The following KCNT1 variants were observed in gnomAD, a reference collection of about 807,000 sequenced individuals.
KCNT1 encodes potassium sodium-activated channel subfamily T member 1.
Under a neutral mutation model 147.8 loss-of-function variants are expected in KCNT1, and 78 were observed. The ratio of observed to expected loss-of-function variants is 0.53; its 90% CI spans 0.44 to 0.64. KCNT1 has a LOEUF of 0.64. Among genes scored for constraint, KCNT1 ranks in the 30% least tolerant of loss-of-function variants. The pLI is 0.00. For synonymous variants in KCNT1, 867 were observed against 748.8 expected (o/e 1.16, Z -2.58); for missense variants, 1,419 against 1,750.3 (o/e 0.81, Z 3.38).
chr9:135,727,269 CTCTT>C, intron 2 of KCNT1, among the ~76,000 whole-genome samples: 1 of 121,334 alleles, frequency 8.2e-6, no homozygotes. Context: ...CTTTCTCCCT[CTCTT>C]TCCCATTCTC....
chr9:135,772,645 G>A (rs1832834058), intron 18 of KCNT1, 70 bp from the exon 19 acceptor site: 2 of 1,189,836 alleles, frequency 1.7e-6, no homozygotes, highest in Non-Finnish European at 2.2e-6. Context: ...GTGTTCACCT[G>A]AGCTCTGGGA....
At chr9:135,732,141 C>T (rs910827720) in intron 2 of KCNT1, among the ~76,000 whole-genome samples, 1 of 151,256 alleles carries the variant, frequency 6.6e-6, no homozygotes. Flanking sequence ...GCCTCAGCCT[C>T]CCCAGTAGCT....
At position 135,756,920 on chromosome 9, in the gene KCNT1, C is replaced by T. The variant is rs2131434951; in HGVS notation, c.588C>T (p.Tyr196=). 1.2e-6 allele frequency: 2 copies of T among 1,613,052 alleles called. No individual in the cohort carries two copies. Among genetic ancestry groups the T allele is most frequent in the Middle Eastern group, 1.6e-4 (1 of 6,062 alleles). ...ISFLETMLLI[Y]LSYKGNIWEQ... ...TCCTGGAGACGATGCTTCTCATCTA[C>T]CTCAGCTACAAAGTGAGTGCCTGCC... The change falls in exon 7 of 31, where the codon TAC becomes TAT. Residue 196 remains tyrosine (Y), a synonymous_variant. Transcript: ENST00000371757.
intron 1 of KCNT1, among the ~76,000 whole-genome samples, chr9:135,705,828 C>A (rs1349629063): frequency 6.7e-6 from 1 of 150,208 alleles, no homozygotes; most frequent in Non-Finnish European, 1.5e-5. Flanking sequence ...GCAGAGGCCG[C>A]GAGCTTCCTG....
At chr9:135,774,794 G>C (rs1425392350) in intron 19 of KCNT1, among the ~76,000 whole-genome samples, 2 of 152,128 alleles carry the variant, frequency 1.3e-5, no homozygotes, top group Non-Finnish European at 2.9e-5. Flanking sequence ...TATGCCGAGG[G>C]CTGACCATGG....
At chr9:135,779,246 CA>C in intron 23 of KCNT1, 112 bp from the exon 24 acceptor site, 4 of 670,670 alleles carry the variant, frequency 6.0e-6, no homozygotes, top group South Asian at 1.6e-5. Context: ...GAGACCCCCC[CA>C]CAGCCATGGG....
intron 24 of KCNT1, among the ~76,000 whole-genome samples, chr9:135,780,788 T>C (rs1312727928): frequency 6.6e-6 from 1 of 152,204 alleles, no homozygotes; most frequent in Non-Finnish European, 1.5e-5. Flanking sequence ...GGGAGGAAGT[T>C]CACAGGATTC....
intron 2 of KCNT1, among the ~76,000 whole-genome samples, chr9:135,749,847 C>G (rs1831048409): frequency 1.3e-5 from 2 of 152,070 alleles, no homozygotes; most frequent in East Asian, 1.9e-4. Flanking sequence ...CCCAGACTCA[C>G]AGCAGCGAGT....
intron 11 of KCNT1, among the ~76,000 whole-genome samples, chr9:135,764,640 C>A (rs962264172): frequency 6.6e-6 from 1 of 152,206 alleles, no homozygotes; most frequent in African/African-American, 2.4e-5. Flanking sequence ...ACCTGCCCCC[C>A]AGACATAGGC....
chr9:135,715,065 GA>G (rs1835668408), intron 2 of KCNT1, among the ~76,000 whole-genome samples: 1 of 152,210 alleles, frequency 6.6e-6, no homozygotes, highest in African/African-American at 2.4e-5. Context: ...GCCAGGGCCG[GA>G]AGCGCCCCGG....
Position 135,762,513 on chromosome 9 carries a change from C to T in KCNT1, c.1036-2518C>T, listed in dbSNP as rs542276153. Reference sequence around the variant, plus strand: ...CTGTAATCCCAGCACTTTGGAGGGCCGAGGTGGGTAGATCACTTGAGATCC... The same window carrying T: ...CTGTAATCCCAGCACTTTGGAGGGCTGAGGTGGGTAGATCACTTGAGATCC... On this transcript the variant is annotated intron_variant, in intron 11 of 30. Coordinates refer to ENST00000371757, the MANE Select transcript of KCNT1 (RefSeq NM_020822.3). 5.3e-5 allele frequency among the ~76,000 whole-genome samples: 8 copies of T among 152,182 alleles called. No homozygotes were observed. The South Asian group carries it at 1.0e-3, about 20-fold the overall frequency.
At chr9:135,728,507 G>T (rs1467604991) in intron 2 of KCNT1, among the ~76,000 whole-genome samples, 2 of 152,228 alleles carry the variant, frequency 1.3e-5, no homozygotes, top group African/African-American at 4.8e-5. Flanking sequence ...CCAGATTTCA[G>T]GAGGCCCTGA....
At chr9:135,768,242 GGGGGGGGGGGGGGGGCACTGGGATAC>G (rs1832431843) in intron 13 of KCNT1, among the ~76,000 whole-genome samples, 1 of 25,086 alleles carries the variant, frequency 4.0e-5, no homozygotes, top group South Asian at 1.4e-3. Flanking sequence ...GATGCCTGCG[GGGGGGGGGGGGGGGGCACTGGGATAC>G]CGGTGGGGGG....
intron 4 of KCNT1, among the ~76,000 whole-genome samples, chr9:135,753,450 G>A (rs1831303939): frequency 6.6e-6 from 1 of 152,178 alleles, no homozygotes; most frequent in Non-Finnish European, 1.5e-5. Flanking sequence ...TTAGGGACGT[G>A]CCTCTTGGAG....
chr9:135,756,312 C>T (rs1268854746), intron 6 of KCNT1, among the ~76,000 whole-genome samples: 1 of 152,170 alleles, frequency 6.6e-6, no homozygotes, highest in East Asian at 1.9e-4. Flanking sequence ...GAATCTCTCC[C>T]TCCACTGACC....
intron 2 of KCNT1, among the ~76,000 whole-genome samples, chr9:135,740,201 A>G (rs1231856021): frequency 1.3e-5 from 2 of 152,130 alleles, no homozygotes; most frequent in Non-Finnish European, 2.9e-5. Flanking sequence ...GTGCTGAGAT[A>G]CTGGGGGTCA....
chr9:135,787,988 C>A, intron 29 of KCNT1: 2 of 780,542 alleles, frequency 2.6e-6, no homozygotes, highest in Non-Finnish European at 4.6e-6. Context: ...GGTGGCCGGC[C>A]TCCCGTGCAG....
At chr9:135,769,097 GGAT>G (rs1832542261) in intron 15 of KCNT1, among the ~76,000 whole-genome samples, 160 bp downstream of exon 15, 1 of 143,574 alleles carries the variant, frequency 7.0e-6, no homozygotes, top group South Asian at 2.3e-4. Flanking sequence ...GTCTGGGGCA[GGAT>G]GCGTGTGCAC....
intron 2 of KCNT1, among the ~76,000 whole-genome samples, chr9:135,725,586 G>A (rs536311093): frequency 1.9e-4 from 29 of 152,266 alleles, no homozygotes; most frequent in Non-Finnish European, 4.1e-4. Context: ...AGAAGAGACC[G>A]CTGTAGTTTT....
Sources: allele counts gnomAD v4.1 joint callset (sites outside exome capture counted in the v4.1 genomes callset), GRCh38; gene constraint gnomAD v4.1.1; transcripts MANE v1.5; gene names NCBI Gene and HGNC (gene_info 2026-07-23, HGNC 2026-07-21).